The following ARHGAP15 variants were observed in gnomAD, a reference collection of about 807,000 sequenced individuals.
ARHGAP15 encodes Rho GTPase activating protein 15, also known as rho GTPase-activating protein 15.
Under a neutral mutation model 63.7 loss-of-function variants are expected in ARHGAP15, and 51 were observed. The ratio of observed to expected loss-of-function variants is 0.80; its 90% CI spans 0.64 to 1.01. ARHGAP15 has a LOEUF of 1.01. Among genes scored for constraint, ARHGAP15 ranks in the 50% least tolerant of loss-of-function variants. The probability of loss-of-function intolerance (pLI) is 0.00; values close to 1 mark genes in which losing one functional copy is unlikely to be tolerated. For missense variants in ARHGAP15, 560 were observed against 564.6 expected (o/e 0.99, Z 0.08); for synonymous variants, 191 against 193.8 (o/e 0.99, Z 0.12).
chr2:143,227,502 A>C (rs1426515853), intron 4 of ARHGAP15, among the ~76,000 whole-genome samples: 1 of 152,200 alleles, frequency 6.6e-6, no homozygotes, highest in Non-Finnish European at 1.5e-5. Context: ...ATTTATCATA[A>C]GTGTTATGAG....
chr2:143,675,903 T>C (rs1207666848), intron 12 of ARHGAP15, among the ~76,000 whole-genome samples: 1 of 152,236 alleles, frequency 6.6e-6, no homozygotes, highest in Non-Finnish European at 1.5e-5. Context: ...TGACTTCTCT[T>C]GTCTAGCTAT....
At chr2:143,506,649 T>C (rs1163623070) in intron 9 of ARHGAP15, among the ~76,000 whole-genome samples, 2 of 152,148 alleles carry the variant, frequency 1.3e-5, no homozygotes, top group Non-Finnish European at 1.5e-5. Context: ...GCAGAAAATA[T>C]CATCAATCCA....
At chr2:143,633,805 G>T (rs1257340354) in intron 12 of ARHGAP15, among the ~76,000 whole-genome samples, 1 of 152,090 alleles carries the variant, frequency 6.6e-6, no homozygotes, top group African/African-American at 2.4e-5. Flanking sequence ...AAAACTGAAG[G>T]TTGGGAGGCC....
At chr2:143,356,410 C>G (rs571335133) in intron 6 of ARHGAP15, among the ~76,000 whole-genome samples, 3 of 152,260 alleles carry the variant, frequency 2.0e-5, no homozygotes, top group East Asian at 3.9e-4. Context: ...GCACCACCCC[C>G]CTTCCCCCAC....
intron 10 of ARHGAP15, among the ~76,000 whole-genome samples, chr2:143,555,872 GAAT>G (rs1695768643): frequency 2.1e-5 from 1 of 46,628 alleles, no homozygotes; most frequent in Middle Eastern, 8.2e-3. Flanking sequence ...GAATAGAATA[GAAT>G]AGAATAGAAT....
chr2:143,445,153 ATTTTTTT>A (rs10671306), intron 8 of ARHGAP15, among the ~76,000 whole-genome samples: 1 of 74,426 alleles, frequency 1.3e-5, no homozygotes. Flanking sequence ...AAGAACAATT[ATTTTTTT>A]TTTTTTTTTT....
At chr2:143,397,324 G>A (rs1358011316) in intron 6 of ARHGAP15, among the ~76,000 whole-genome samples, 3 of 147,694 alleles carry the variant, frequency 2.0e-5, no homozygotes, top group Non-Finnish European at 3.0e-5. Context: ...GTATGTGTGT[G>A]TGTGTGTGTG....
At chr2:143,481,440 A>C (rs1692076329) in intron 8 of ARHGAP15, among the ~76,000 whole-genome samples, 1 of 152,174 alleles carries the variant, frequency 6.6e-6, no homozygotes, top group Admixed American at 6.5e-5. Context: ...TAATTGTAAC[A>C]TGGGAATACC....
intron 3 of ARHGAP15, among the ~76,000 whole-genome samples, chr2:143,203,462 G>C (rs1389214536): frequency 6.6e-6 from 1 of 152,008 alleles, no homozygotes; most frequent in Non-Finnish European, 1.5e-5. Flanking sequence ...CTCTTCAGTA[G>C]GTCTATCTGA....
intron 11 of ARHGAP15, among the ~76,000 whole-genome samples, chr2:143,564,541 A>G (rs1696147091): frequency 6.6e-6 from 1 of 152,208 alleles, no homozygotes; most frequent in South Asian, 2.1e-4. Context: ...CCAGGTTTGG[A>G]AACTCCCTGC....
At chr2:143,413,927 T>TTGTGTGTGTGTGTGTGTGTGTGTG (rs1553476588) in intron 6 of ARHGAP15, among the ~76,000 whole-genome samples, 6 of 127,992 alleles carry the variant, frequency 4.7e-5, no homozygotes, top group African/African-American at 3.1e-5. Context: ...AGGTAGGTAG[T>TTGTGTGTGTGTGTGTGTGTGTGTG]TGTGTGTGTG....
intron 13 of ARHGAP15, among the ~76,000 whole-genome samples, chr2:143,741,550 A>C (rs1350460969): frequency 6.6e-6 from 1 of 152,226 alleles, no homozygotes; most frequent in Non-Finnish European, 1.5e-5. Context: ...ATAATATTTT[A>C]TCTTTGAGCT....
At chr2:143,342,759 C>T (rs1685113741) in intron 6 of ARHGAP15, among the ~76,000 whole-genome samples, 1 of 152,030 alleles carries the variant, frequency 6.6e-6, no homozygotes, top group African/African-American at 2.4e-5. Flanking sequence ...TGAGTCCCAT[C>T]ATACATATAA....
At chr2:143,242,628 G>T (rs1213800535) in intron 5 of ARHGAP15, among the ~76,000 whole-genome samples, 1 of 152,044 alleles carries the variant, frequency 6.6e-6, no homozygotes, top group African/African-American at 2.4e-5. Flanking sequence ...GGTTTGATTT[G>T]GTCATGTAAT....
Position 143,324,441 on chromosome 2 carries a change from G to T in ARHGAP15, c.474+73841G>T, listed in dbSNP as rs16822351. ...TGGTGGGCTGCCACCAACATAGAAA[G>T]TCTGACATATTTTCCGTGGAAGAAA... is the stretch of plus-strand genomic sequence containing the variant. On this transcript the variant is annotated intron_variant, in intron 6 of 13. Transcript: ENST00000295095. 8.8e-3 allele frequency among the ~76,000 whole-genome samples: 1,338 copies of T among 152,262 alleles called. 23 individuals are homozygous for T. The highest frequency in any genetic ancestry group is 0.03 in the African/African-American group (1,260 of 41,532).
At chr2:143,230,387 G>C (rs567907489) in intron 5 of ARHGAP15, among the ~76,000 whole-genome samples, 1 of 152,156 alleles carries the variant, frequency 6.6e-6, no homozygotes, top group East Asian at 1.9e-4. Flanking sequence ...CTCCCTTTTT[G>C]ATTGCAGGCA....
chr2:143,150,856 AAG>A, intron 1 of ARHGAP15, among the ~76,000 whole-genome samples: 1 of 152,010 alleles, frequency 6.6e-6, no homozygotes, highest in Non-Finnish European at 1.5e-5. Context: ...GGGAATACTG[AAG>A]AGGCACATAG....
chr2:143,565,218 G>A (rs554691197), intron 11 of ARHGAP15, among the ~76,000 whole-genome samples: 149 of 152,208 alleles, frequency 9.8e-4, no homozygotes, highest in African/African-American at 3.6e-3. Flanking sequence ...GCAGAGAGAT[G>A]TTATCTTCTT....
intron 12 of ARHGAP15, among the ~76,000 whole-genome samples, chr2:143,673,756 G>GTGTGTATATATATCTA (rs1682668589): frequency 3.2e-5 from 1 of 30,988 alleles, no homozygotes; most frequent in African/African-American, 7.0e-5. Context: ...GTGTGTGTGT[G>GTGTGTATATATATCTA]TGTATATATA....
Sources: allele counts gnomAD v4.1 joint callset (sites outside exome capture counted in the v4.1 genomes callset), GRCh38; gene constraint gnomAD v4.1.1; transcripts MANE v1.5; gene names NCBI Gene and HGNC (gene_info 2026-07-23, HGNC 2026-07-21).